DIAPH2: variants seen among roughly 807,000 people sequenced by gnomAD.
DIAPH2 encodes the protein diaphanous related formin 2.
DIAPH2 carries 35 observed loss-of-function variants against 92.7 expected under a neutral mutation model. That is an observed-to-expected ratio of 0.38 (90% CI 0.29 to 0.50). The LOEUF (loss-of-function observed/expected upper bound fraction) is 0.50, where lower values mean the gene tolerates loss of function less well. DIAPH2 is among the 20% of genes least tolerant of loss of function. The pLI, the probability that DIAPH2 is intolerant of heterozygous loss-of-function variation, is 0.94. For synonymous variants in DIAPH2, 301 were observed against 280.4 expected (o/e 1.07, Z -0.73); for missense variants, 701 against 819.5 (o/e 0.86, Z 1.77).
At chrX:96,752,168 G>C (rs1219097445) in intron 3 of DIAPH2, among the ~76,000 whole-genome samples, 1 of 111,378 alleles carries the variant, frequency 9.0e-6, no homozygotes, top group African/African-American at 3.3e-5. Context: ...TATGGATCTG[G>C]AGTTAATGAT....
chrX:97,174,038 A>T (rs2067473630), intron 22 of DIAPH2, among the ~76,000 whole-genome samples: 1 of 104,352 alleles, frequency 9.6e-6, no homozygotes, highest in Admixed American at 1.1e-4. Flanking sequence ...ATTATATAAA[A>T]TTATTATATA....
chrX:96,910,850 T>C (rs1322023426), intron 5 of DIAPH2, among the ~76,000 whole-genome samples: 1 of 111,322 alleles, frequency 9.0e-6, no homozygotes, highest in African/African-American at 3.3e-5. Context: ...ATTATGATTA[T>C]GTCAAGCAGT....
At chrX:97,047,363 A>G (rs2066490647) in intron 17 of DIAPH2, among the ~76,000 whole-genome samples, 2 of 109,431 alleles carry the variant, frequency 1.8e-5, no homozygotes, top group African/African-American at 6.6e-5. Flanking sequence ...TTTAAGTGGA[A>G]TGACATTTAT....
intron 26 of DIAPH2, among the ~76,000 whole-genome samples, chrX:97,513,535 A>G (rs1202544868): frequency 2.3e-4 from 7 of 30,271 alleles, no homozygotes; most frequent in African/African-American, 1.0e-3. Context: ...GTTATGTGTG[A>G]ATTTGATCCT....
rs970441931 is a variant in DIAPH2 at position 96,723,835 on chromosome X, A to T, written c.133-11923A>T. On this transcript the variant is annotated intron_variant, in intron 1 of 26. Coordinates refer to ENST00000324765, the MANE Select transcript of DIAPH2 (RefSeq NM_006729.5). ...AGAGAAGTTAATTTAGGAATTTTGT[A>T]AAAAACTTGGCTATGATTATGGTAC... 5.4e-5 allele frequency among the ~76,000 whole-genome samples: 6 copies of T among 111,480 alleles called. No homozygotes were observed. The Admixed American group carries it at 5.7e-4, about 11-fold the overall frequency.
intron 1 of DIAPH2, among the ~76,000 whole-genome samples, chrX:96,685,666 C>T (rs928926507): frequency 1.8e-5 from 2 of 112,213 alleles, no homozygotes; most frequent in Non-Finnish European, 3.8e-5. Flanking sequence ...ACTATTTATG[C>T]TCCCAGTCTT....
At chrX:96,974,891 AT>A (rs754714312) in intron 17 of DIAPH2, among the ~76,000 whole-genome samples, 15 of 111,728 alleles carry the variant, frequency 1.3e-4, no homozygotes, top group Non-Finnish European at 2.6e-4. Flanking sequence ...GCTAATTCTA[AT>A]TAGAATTTCT....
At chrX:97,519,523 T>G (rs2070975564) in intron 26 of DIAPH2, among the ~76,000 whole-genome samples, 1 of 111,655 alleles carries the variant, frequency 9.0e-6, no homozygotes, top group South Asian at 3.7e-4. Flanking sequence ...TTTAAGTGTT[T>G]AAAGGAATAG....
intron 4 of DIAPH2, among the ~76,000 whole-genome samples, chrX:96,864,667 A>G (rs1351384130): frequency 9.0e-6 from 1 of 111,707 alleles, no homozygotes; most frequent in Non-Finnish European, 1.9e-5. Context: ...AAAGCAGTGA[A>G]TTTTTTTGTA....
At chrX:97,146,198 TCA>T (rs1031901109) in intron 22 of DIAPH2, among the ~76,000 whole-genome samples, 1 of 108,991 alleles carries the variant, frequency 9.2e-6, no homozygotes, top group African/African-American at 3.3e-5. Flanking sequence ...CCTGTTTGAA[TCA>T]CACTTTATCA....
chrX:96,775,747 T>C (rs1435928012), intron 4 of DIAPH2, among the ~76,000 whole-genome samples: 2 of 111,028 alleles, frequency 1.8e-5, no homozygotes, highest in East Asian at 2.8e-4. Flanking sequence ...GGCTAAGTGA[T>C]TGGGGGTAAA....
intron 21 of DIAPH2, among the ~76,000 whole-genome samples, chrX:97,141,392 C>T (rs1432080867): frequency 2.7e-5 from 3 of 111,259 alleles, no homozygotes; most frequent in African/African-American, 9.8e-5. Context: ...GTTCTTCTCT[C>T]ATGAAAAGAA....
intron 26 of DIAPH2, among the ~76,000 whole-genome samples, chrX:97,487,510 G>A (rs780562717): frequency 1.8e-5 from 2 of 111,422 alleles, no homozygotes; most frequent in South Asian, 3.8e-4. Context: ...TCCTGACCTC[G>A]TGATCCGCCT....
intron 23 of DIAPH2, among the ~76,000 whole-genome samples, chrX:97,272,331 A>G (rs1306793284): frequency 1.8e-5 from 2 of 111,943 alleles, no homozygotes; most frequent in Non-Finnish European, 3.8e-5. Flanking sequence ...TTTGTGAACA[A>G]GAAACCTTTC....
In DIAPH2 at chrX:96,738,706, G is replaced by C; in HGVS notation, c.286G>C (p.Glu96Gln). The change falls in exon 3 of 27, where the codon GAA (glutamate) becomes CAA (glutamine). Residue 96 changes from glutamate (E) to glutamine (Q), a missense_variant. Around this residue, in one of 3 missense-constraint regions of DIAPH2, gnomAD observed 131 missense variants for 145.6 expected, o/e 0.90. Transcript: ENST00000324765. ...EFPAAQPLYDERSLNLSEKEV... is the reference protein window; with the variant it reads ...EFPAAQPLYDQRSLNLSEKEV... ...TCCTGCAGCTCAGCCATTATATGAT[G>C]AACGATCTTTGAATTTGTCAGAAAA... The C allele has an allele frequency of 8.3e-7, 1 of 1,209,046 alleles. No homozygotes were observed. Among genetic ancestry groups the C allele is most frequent in the Non-Finnish European group, 1.1e-6 (1 of 894,185 alleles).
chrX:96,882,969 A>AAC (rs2065225931), intron 5 of DIAPH2, among the ~76,000 whole-genome samples: 1 of 77,020 alleles, frequency 1.3e-5, no homozygotes, highest in African/African-American at 3.7e-5. Context: ...CAAAAAAAAA[A>AAC]AAAAAAAAAA....
intron 26 of DIAPH2, among the ~76,000 whole-genome samples, chrX:97,571,136 T>C (rs1424266224): frequency 1.8e-5 from 2 of 111,537 alleles, no homozygotes; most frequent in Non-Finnish European, 3.8e-5. Flanking sequence ...TTCTTTAATG[T>C]TATATGATGA....
At chrX:96,969,056 G>C (rs1311177114) in intron 17 of DIAPH2, among the ~76,000 whole-genome samples, 1 of 111,842 alleles carries the variant, frequency 8.9e-6, no homozygotes, top group Non-Finnish European at 1.9e-5. Flanking sequence ...TTATTTCTTG[G>C]TTCTCTTAGT....
intron 23 of DIAPH2, among the ~76,000 whole-genome samples, chrX:97,338,113 C>A (rs763135122): frequency 9.0e-6 from 1 of 110,528 alleles, no homozygotes; most frequent in East Asian, 2.9e-4. Context: ...CTCAGGTAAT[C>A]TGCCCGCCTC....
Sources: allele counts gnomAD v4.1 joint callset (sites outside exome capture counted in the v4.1 genomes callset), GRCh38; gene constraint gnomAD v4.1.1; regional missense constraint gnomAD v4.1.1; transcripts MANE v1.5; gene names NCBI Gene and HGNC (gene_info 2026-07-23, HGNC 2026-07-21).